RBFA: variants seen among roughly 807,000 people sequenced by gnomAD.
RBFA encodes the protein ribosome binding factor A, also known as putative ribosome-binding factor A, mitochondrial.
RBFA carries 16 observed loss-of-function variants against 27.9 expected under a neutral mutation model. That is an observed-to-expected ratio of 0.57 (90% CI 0.39 to 0.87). The LOEUF (loss-of-function observed/expected upper bound fraction) is 0.87. Ranked by LOEUF, RBFA falls within the 40% of genes least tolerant of loss-of-function variation. The pLI, the probability that RBFA is intolerant of heterozygous loss-of-function variation, is 0.00. For missense variants in RBFA, 456 were observed against 432.1 expected (o/e 1.06, Z -0.49); for synonymous variants, 181 against 181.0 (o/e 1.00, Z 0.00).
chr18:80,037,020 C>T (rs1372372280), intron 2 of RBFA, among the ~76,000 whole-genome samples: 4 of 152,172 alleles, frequency 2.6e-5, no homozygotes, highest in Non-Finnish European at 4.4e-5. Flanking sequence ...AAATACATCA[C>T]GTTTCCAAAA....
At chr18:80,036,614 A>T (rs145237387) in intron 1 of RBFA, 54 bp from the exon 2 acceptor site, 1 of 1,337,802 alleles carries the variant, frequency 7.5e-7, no homozygotes, top group African/African-American at 1.4e-5. Context: ...AAATTAGCTT[A>T]TGTAACTTTT....
chr18:80,045,669 G>A, intron 6 of RBFA, 105 bp from the exon 7 acceptor site: 1 of 1,334,770 alleles, frequency 7.5e-7, no homozygotes, highest in Middle Eastern at 2.8e-4. Flanking sequence ...AGGGTTCTCA[G>A]GCGAGTAGAT....
intron 5 of RBFA, among the ~76,000 whole-genome samples, chr18:80,042,720 G>A (rs2052024722): frequency 6.6e-6 from 1 of 151,752 alleles, no homozygotes; most frequent in African/African-American, 2.4e-5. Context: ...GCAGTGAGCC[G>A]AGATTGTGCC....
In RBFA at chr18:80,042,191, AAG is replaced by A. The variant is rs1353022974; in HGVS notation, c.550_551del (p.Asp184GlnfsTer8). Reference sequence around the variant, plus strand: ...AATGTGCCACCGATAGTGTTTGTTCAAGACAAGGGAAATGCAGCTCTAGCTGA... The same window carrying A: ...AATGTGCCACCGATAGTGTTTGTTCAACAAGGGAAATGCAGCTCTAGCTGA... On this transcript the variant is annotated frameshift_variant, in exon 5 of 7. Coordinates refer to ENST00000306735, the MANE Select transcript of RBFA (RefSeq NM_024805.3). LOFTEE classifies it high-confidence loss of function. The A allele has an allele frequency of 2.5e-6, 4 of 1,609,310 alleles. No individual in the cohort carries two copies. The highest frequency in any genetic ancestry group is 3.4e-6 in the Non-Finnish European group (4 of 1,177,140).
At chr18:80,041,563 A>AT (rs2052015829) in intron 4 of RBFA, 1 of 152,250 alleles carries the variant, frequency 6.6e-6, no homozygotes, top group African/African-American at 2.4e-5. Context: ...AGATCAGGTT[A>AT]TTTGTACAGA....
At position 80,044,367 on chromosome 18, in the gene RBFA, G is replaced by T. The variant is rs1363405556; in HGVS notation, c.650+82G>T. ...CACCATTTTCCAGAGCAGCTGCCCA[G>T]CGCCACATCCCGAGTAGCCTGCATG... On this transcript the variant is annotated intron_variant, in intron 6 of 6. Transcript: ENST00000306735. The T allele has an allele frequency of 3.2e-6, 4 of 1,246,766 alleles. No individual in the cohort carries two copies. In the Admixed American group the frequency reaches 6.8e-5, roughly 21 times the overall value. 77.2% of individuals were successfully genotyped at this position (1,246,766 alleles called of 1,614,324 possible). A position where few individuals can be genotyped will look rare whatever the true frequency, so the allele number is the denominator to read the frequency against.
At chr18:80,044,366 A>G (rs2052036488) in intron 6 of RBFA, 81 bp downstream of exon 6, 1 of 1,254,082 alleles carries the variant, frequency 8.0e-7, no homozygotes, top group East Asian at 2.3e-5. Flanking sequence ...GCAGCTGCCC[A>G]GCGCCACATC....
Position 80,037,750 on chromosome 18 carries a change from A to G in RBFA, c.378+244A>G, listed in dbSNP as rs189398405. 5.5e-3 allele frequency among the ~76,000 whole-genome samples: 842 copies of G among 152,290 alleles called. 5 individuals carry two copies. Among genetic ancestry groups the G allele is most frequent in the Middle Eastern group, 0.017 (5 of 294 alleles). On this transcript the variant is annotated intron_variant, in intron 3 of 6. Transcript: ENST00000306735. Reference sequence around the variant, plus strand: ...TAAAAATACAAAAACTTAGCCGGGCATGGTGGCGGGCGCCTGTAGTCCCAG... The same window carrying G: ...TAAAAATACAAAAACTTAGCCGGGCGTGGTGGCGGGCGCCTGTAGTCCCAG...
At position 80,045,913 on chromosome 18, in the gene RBFA, T is replaced by G. The variant is rs2052049690; in HGVS notation, c.790T>G (p.Trp264Gly). Residue 264 changes from tryptophan to glycine, a missense_variant, in exon 7 of 7, where the codon TGG becomes GGG. By Grantham distance (184) the Trp-to-Gly change is radical (BLOSUM62 -2). Transcript: ENST00000306735. ...AGATAAAGGGCTCGGGGGCCTGGTG[T>G]GGCAGGGGCAGGTGGCTGAGCTGAC... The part of the protein sequence containing the change: ...RKDKGLGGLV[W>G]QGQVAELTTQ... The G allele has an allele frequency of 6.2e-7, 1 of 1,613,248 alleles. No homozygotes were observed. Among genetic ancestry groups the G allele is most frequent in the Admixed American group, 1.7e-5 (1 of 59,926 alleles).
intron 4 of RBFA, among the ~76,000 whole-genome samples, chr18:80,040,123 C>T (rs971673057): frequency 3.3e-5 from 5 of 151,662 alleles, no homozygotes; most frequent in Non-Finnish European, 5.9e-5. Context: ...TTGGCCAGGC[C>T]GGGACAACTG....
At chr18:80,036,485 T>C (rs905748409) in intron 1 of RBFA, among the ~76,000 whole-genome samples, 183 bp from the exon 2 acceptor site, 2 of 152,230 alleles carry the variant, frequency 1.3e-5, no homozygotes, top group African/African-American at 4.8e-5. Context: ...AAAACCATCT[T>C]CAGCCTCTTC....
chr18:80,040,007 T>A (rs1200139748), intron 4 of RBFA, among the ~76,000 whole-genome samples: 1 of 152,088 alleles, frequency 6.6e-6, no homozygotes, highest in African/African-American at 2.4e-5. Flanking sequence ...CCTCCCGGGT[T>A]CAAGTGATTC....
chr18:80,041,987 A>G (rs375347010), intron 4 of RBFA, 148 bp from the exon 5 acceptor site: 1 of 346,012 alleles, frequency 2.9e-6, no homozygotes. Context: ...CGGCCTCCCA[A>G]AGTGCTGGGA....
At position 80,037,330 on chromosome 18, in the gene RBFA, A is replaced by T. The variant is rs1174659014; in HGVS notation, c.202A>T (p.Thr68Ser). Residue 68 changes from threonine to serine, a missense_variant and splice_region_variant, in exon 3 of 7, where the codon ACT becomes TCT. By Grantham distance (58) the Thr-to-Ser change is moderately conservative. Coordinates refer to ENST00000306735, the MANE Select transcript of RBFA (RefSeq NM_024805.3). ...GGGTGTGCTCTTCTTCCTGATGGAG[A>T]CTTACAAACCATCCAAGTTGGAATT... ...YESPSLGSHS[T>S]YKPSKLEFLM... 1 of 1,612,670 alleles carries T rather than the reference A, an allele frequency of 6.2e-7. No homozygotes were observed. The highest frequency in any genetic ancestry group is 8.5e-7 in the Non-Finnish European group (1 of 1,179,372).
At chr18:80,043,341 A>T (rs2052029143) in intron 5 of RBFA, among the ~76,000 whole-genome samples, 1 of 152,252 alleles carries the variant, frequency 6.6e-6, no homozygotes, top group Non-Finnish European at 1.5e-5. Context: ...TGTAGGTAAC[A>T]CTAAAAACAT....
rs1248558435 is a variant in RBFA, at chr18:80,050,424, A to G, written c.*4269A>G. Among the ~76,000 whole-genome samples the G allele has an allele frequency of 6.6e-6, 1 of 152,210 alleles. No homozygotes were observed. Among genetic ancestry groups the G allele is most frequent in the African/African-American group, 2.4e-5 (1 of 41,458 alleles). Reference sequence around the variant, plus strand: ...TGAGATGTTTTGATACAGACATGCAATGTGAAAAAGCACATCATGGAGACT... The same window carrying G: ...TGAGATGTTTTGATACAGACATGCAGTGTGAAAAAGCACATCATGGAGACT... On this transcript the variant is annotated 3_prime_UTR_variant, in exon 7 of 7. Transcript: ENST00000306735.
In RBFA at chr18:80,034,671, G is replaced by T; in HGVS notation, c.158+18G>T. 6.2e-7 allele frequency: 1 copy of T among 1,606,480 alleles called. No individual in the cohort carries two copies. Among genetic ancestry groups the T allele is most frequent in the East Asian group, 2.3e-5 (1 of 43,900 alleles). On this transcript the variant is annotated intron_variant, in intron 1 of 6. Coordinates refer to ENST00000306735, the MANE Select transcript of RBFA (RefSeq NM_024805.3). ...AAAACCAAGTAATGCGGCGGGGGCG[G>T]TGTCCCTGGGCGCGGTATTCCCTAG...
In RBFA at chr18:80,046,914, A is replaced by G. The variant is rs935713502; in HGVS notation, c.*759A>G. 3 of 152,596 alleles carry G rather than the reference A, an allele frequency of 2.0e-5. No individual in the cohort carries two copies. The highest frequency in any genetic ancestry group is 4.4e-5 in the Non-Finnish European group (3 of 68,060). 9.5% of individuals were successfully genotyped at this position (152,596 alleles called of 1,614,324 possible). A position where few individuals can be genotyped will look rare whatever the true frequency, so the allele number is the denominator to read the frequency against. On this transcript the variant is annotated 3_prime_UTR_variant, in exon 7 of 7. Coordinates refer to ENST00000306735, the MANE Select transcript of RBFA (RefSeq NM_024805.3). ...TCTGAAGAGTGTGCGACTCTGAGTC[A>G]TACTGAATTCTTTGTGTCACCTCCG...
chr18:80,038,193 C>T (rs573442587), intron 3 of RBFA, among the ~76,000 whole-genome samples: 3 of 152,290 alleles, frequency 2.0e-5, no homozygotes, highest in South Asian at 2.1e-4. Flanking sequence ...AAGGCAGCAT[C>T]GAGCATTTTT....
Sources: gnomAD v4.1 joint callset for allele counts (sites outside exome capture counted in the v4.1 genomes callset) on GRCh38, gnomAD v4.1.1 for gene constraint, MANE v1.5 for transcripts, NCBI Gene and HGNC (gene_info 2026-07-23, HGNC 2026-07-21) for gene names.